The following MSI2 variants were observed in gnomAD, a reference collection of about 807,000 sequenced individuals.
MSI2 encodes the protein RNA-binding protein Musashi homolog 2.
A neutral mutation model predicts 45.6 loss-of-function variants in MSI2; 17 were observed. The observed-to-expected ratio is 0.37, with a 90% CI of 0.26 to 0.56. MSI2 has a LOEUF of 0.56. MSI2 is among the 20% of genes least tolerant of loss of function. The pLI is 0.77. For synonymous variants in MSI2, 156 were observed against 158.2 expected (o/e 0.99, Z 0.11); for missense variants, 293 against 444.2 (o/e 0.66, Z 3.06).
intron 9 of MSI2, 111 bp downstream of exon 9, chr17:57,616,195 C>G (rs181526204): frequency 3.8e-4 from 281 of 732,568 alleles, no homozygotes; most frequent in African/African-American, 2.9e-3. Context: ...TTCTAAGCCT[C>G]AGTTTCCTTG....
At chr17:57,330,553 A>G (rs1420907057) in intron 5 of MSI2, among the ~76,000 whole-genome samples, 1 of 152,064 alleles carries the variant, frequency 6.6e-6, no homozygotes, top group East Asian at 1.9e-4. Flanking sequence ...TGCTGGGATT[A>G]TAGTCGTGAG....
At chr17:57,625,256 C>T (rs185585269) in intron 9 of MSI2, among the ~76,000 whole-genome samples, 44 of 152,296 alleles carry the variant, frequency 2.9e-4, no homozygotes, top group Admixed American at 1.2e-3. Flanking sequence ...AGGACTGGAA[C>T]CCAGGTCTCC....
intron 11 of MSI2, among the ~76,000 whole-genome samples, chr17:57,674,156 G>A (rs1268381785): frequency 6.7e-6 from 1 of 149,706 alleles, no homozygotes. Flanking sequence ...TTACTGTTAT[G>A]TCAAGATGCC....
intron 7 of MSI2, among the ~76,000 whole-genome samples, chr17:57,538,919 A>G (rs749245368): frequency 1.2e-4 from 18 of 152,216 alleles, no homozygotes; most frequent in Non-Finnish European, 2.1e-4. Context: ...TCTGCAACTC[A>G]GATTCCTTAT....
At chr17:57,656,092 C>T (rs1054455068) in intron 11 of MSI2, among the ~76,000 whole-genome samples, 12 of 152,072 alleles carry the variant, frequency 7.9e-5, no homozygotes, top group South Asian at 2.1e-4. Context: ...TTTGACGGCT[C>T]GGCACAGCAC....
rs567724435 is a variant in MSI2 at position 57,533,749 on chromosome 17, G to A, written c.454+4025G>A. Among the ~76,000 whole-genome samples, 6 of 152,258 alleles carry A rather than the reference G, an allele frequency of 3.9e-5. No homozygotes were observed. The East Asian group carries it at 1.2e-3, about 29-fold the overall frequency. ...CTTCTGTAATGGGGTGGTTCTTCAGGGGTCCCCAGCTGGGGTGGGAGTGCC... is the reference window on the plus strand; with the variant it reads ...CTTCTGTAATGGGGTGGTTCTTCAGAGGTCCCCAGCTGGGGTGGGAGTGCC... On this transcript the variant is annotated intron_variant, in intron 7 of 13. Transcript: ENST00000284073.
intron 7 of MSI2, among the ~76,000 whole-genome samples, chr17:57,582,538 T>G (rs888530693): frequency 6.6e-6 from 1 of 152,196 alleles, no homozygotes; most frequent in South Asian, 2.1e-4. Flanking sequence ...GATTCTAAGT[T>G]TAGTTTATTT....
the MSI2 span, among the ~76,000 whole-genome samples, chr17:57,691,109 G>A: frequency 6.6e-6 from 1 of 152,030 alleles, no homozygotes; most frequent in Admixed American, 6.6e-5. Context: ...TCAAAAATCA[G>A]TTGACTATTT....
At chr17:57,548,406 T>G (rs547070461) in intron 7 of MSI2, among the ~76,000 whole-genome samples, 1 of 152,300 alleles carries the variant, frequency 6.6e-6, no homozygotes, top group South Asian at 2.1e-4. Context: ...AGTGATAGCC[T>G]TCCTTTCAAT....
Position 57,677,202 on chromosome 17 carries a change from G to C in MSI2, c.*31+143G>C, listed in dbSNP as rs564548134. 1.3e-5 allele frequency: 8 copies of C among 625,184 alleles called. 1 individual carries two copies. The highest frequency in any genetic ancestry group is 9.1e-5 in the African/African-American group (5 of 54,728). 38.7% of individuals were successfully genotyped at this position (625,184 alleles called of 1,614,324 possible). A position where few individuals can be genotyped will look rare whatever the true frequency, so the allele number is the denominator to read the frequency against. On this transcript the variant is annotated intron_variant, in intron 13 of 13. Transcript: ENST00000284073. ...TTTCTGGACCCCTTTTCAGGAGGGT[G>C]GGGGCAAAAGCAAATCCAGTCGTTT...
intron 6 of MSI2, chr17:57,432,564 G>A: frequency 6.6e-6 from 1 of 152,552 alleles, no homozygotes; most frequent in Non-Finnish European, 1.5e-5. Flanking sequence ...CATGGCCTCG[G>A]CCACTCTCCC....
At chr17:57,337,549 C>A (rs1031094515) in intron 5 of MSI2, among the ~76,000 whole-genome samples, 33 of 152,230 alleles carry the variant, frequency 2.2e-4, no homozygotes, top group African/African-American at 7.9e-4. Flanking sequence ...TAGCCTGGGT[C>A]TCAGGGGCAG....
At chr17:57,435,817 A>G (rs902426655) in intron 6 of MSI2, among the ~76,000 whole-genome samples, 2 of 152,264 alleles carry the variant, frequency 1.3e-5, no homozygotes, top group Non-Finnish European at 2.9e-5. Context: ...TTTATGTGAA[A>G]TTGTCGGAGG....
intron 10 of MSI2, among the ~76,000 whole-genome samples, chr17:57,645,379 T>A (rs916791196): frequency 1.3e-5 from 2 of 152,140 alleles, no homozygotes; most frequent in Admixed American, 1.3e-4. Context: ...TAAATTTACT[T>A]TTTACAACCT....
At chr17:57,274,847 G>A (rs1386026940) in intron 5 of MSI2, among the ~76,000 whole-genome samples, 1 of 152,160 alleles carries the variant, frequency 6.6e-6, no homozygotes, top group Non-Finnish European at 1.5e-5. Flanking sequence ...GTGACTTTAG[G>A]AAGGTGTTCC....
intron 6 of MSI2, among the ~76,000 whole-genome samples, chr17:57,427,700 C>T (rs1228617082): frequency 6.6e-6 from 1 of 152,128 alleles, no homozygotes; most frequent in Non-Finnish European, 1.5e-5. Context: ...CCAGCCTCTC[C>T]ATCCAATCCA....
intron 5 of MSI2, among the ~76,000 whole-genome samples, chr17:57,368,871 G>A (rs1416597422): frequency 6.6e-6 from 1 of 152,170 alleles, no homozygotes; most frequent in African/African-American, 2.4e-5. Context: ...ATGAATAGAA[G>A]TTTACCAGAG....
intron 6 of MSI2, among the ~76,000 whole-genome samples, chr17:57,473,472 A>G (rs778018534): frequency 1.3e-5 from 2 of 152,208 alleles, no homozygotes; most frequent in Non-Finnish European, 2.9e-5. Context: ...TGACGGCAAA[A>G]AGAAATGAAA....
chr17:57,300,730 G>A (rs191704630), intron 5 of MSI2, among the ~76,000 whole-genome samples: 144 of 152,310 alleles, frequency 9.5e-4, no homozygotes, highest in African/African-American at 3.2e-3. Context: ...GGTGGAAGGC[G>A]ACAGTCATGT....
Sources: gnomAD v4.1 joint callset for allele counts (sites outside exome capture counted in the v4.1 genomes callset) on GRCh38, gnomAD v4.1.1 for gene constraint, MANE v1.5 for transcripts, NCBI Gene and HGNC (gene_info 2026-07-23, HGNC 2026-07-21) for gene names.